LUZP2: variants seen among roughly 807,000 people sequenced by gnomAD.
The protein encoded by LUZP2 is leucine zipper protein 2.
Under a neutral mutation model 51.6 loss-of-function variants are expected in LUZP2, and 52 were observed. The ratio of observed to expected loss-of-function variants is 1.01; its 90% CI spans 0.81 to 1.27. LUZP2 has a LOEUF of 1.27. LUZP2 is among the 50% of genes most tolerant of loss of function. The pLI, the probability that LUZP2 is intolerant of heterozygous loss-of-function variation, is 0.00. For missense variants in LUZP2, 436 were observed against 395.4 expected (o/e 1.10, Z -0.87); for synonymous variants, 154 against 137.3 (o/e 1.12, Z -0.85).
At chr11:24,532,045 A>G (rs1378710960) in intron 1 of LUZP2, among the ~76,000 whole-genome samples, 1 of 150,988 alleles carries the variant, frequency 6.6e-6, no homozygotes, top group African/African-American at 2.4e-5. Flanking sequence ...CTATCAAACA[A>G]TCAGGGCAGG....
chr11:24,572,464 A>T (rs1474119023), intron 1 of LUZP2, among the ~76,000 whole-genome samples: 3 of 152,002 alleles, frequency 2.0e-5, no homozygotes, highest in Non-Finnish European at 4.4e-5. Context: ...CTAATTATGG[A>T]GTTCATTATT....
At chr11:24,903,335 A>T (rs1156749954) in intron 5 of LUZP2, among the ~76,000 whole-genome samples, 2 of 152,210 alleles carry the variant, frequency 1.3e-5, no homozygotes, top group African/African-American at 4.8e-5. Context: ...ATTTGTGTAA[A>T]ACATTTCATG....
chr11:24,652,549 T>C (rs537187665), intron 1 of LUZP2, among the ~76,000 whole-genome samples: 79 of 152,134 alleles, frequency 5.2e-4, no homozygotes, highest in Non-Finnish European at 8.4e-4. Flanking sequence ...ACTATGTATA[T>C]GTCCTCATGC....
At chr11:24,701,876 A>C (rs970165033) in intron 1 of LUZP2, among the ~76,000 whole-genome samples, 1 of 152,212 alleles carries the variant, frequency 6.6e-6, no homozygotes, top group Non-Finnish European at 1.5e-5. Flanking sequence ...CCTGTAATAC[A>C]AAGTATACTA....
chr11:24,629,472 T>TTA (rs1000876788), intron 1 of LUZP2, among the ~76,000 whole-genome samples: 9 of 147,988 alleles, frequency 6.1e-5, no homozygotes, highest in Non-Finnish European at 7.4e-5. Context: ...ACATTATACA[T>TTA]TATATATATA....
intron 5 of LUZP2, among the ~76,000 whole-genome samples, chr11:24,844,230 C>T (rs1263953033): frequency 6.6e-6 from 1 of 152,118 alleles, no homozygotes; most frequent in African/African-American, 2.4e-5. Flanking sequence ...GAGGTGGTCT[C>T]AGATGCAGAA....
At chr11:24,969,384 T>G (rs1647378864) in intron 7 of LUZP2, among the ~76,000 whole-genome samples, 1 of 152,126 alleles carries the variant, frequency 6.6e-6, no homozygotes, top group South Asian at 2.1e-4. Context: ...TAACTGAAAA[T>G]GCAGGGTTCA....
chr11:24,951,601 G>T (rs10834553), intron 7 of LUZP2, among the ~76,000 whole-genome samples: 63,752 of 151,092 alleles, frequency 0.42, 14,359 homozygotes, highest in Non-Finnish European at 0.49. Context: ...TTCACTCGTG[G>T]CTTTAGTCAT....
intron 4 of LUZP2, among the ~76,000 whole-genome samples, chr11:24,752,234 A>G (rs1229527134): frequency 6.6e-6 from 1 of 152,176 alleles, no homozygotes; most frequent in African/African-American, 2.4e-5. Flanking sequence ...AAATTTTCCA[A>G]GGGAAAGAAC....
intron 1 of LUZP2, among the ~76,000 whole-genome samples, chr11:24,702,945 T>A (rs1857460374): frequency 6.6e-6 from 1 of 152,154 alleles, no homozygotes; most frequent in Non-Finnish European, 1.5e-5. Flanking sequence ...GTTAAAAGCA[T>A]GCACATATAT....
intron 5 of LUZP2, among the ~76,000 whole-genome samples, chr11:24,838,981 C>T (rs1471603329): frequency 2.6e-5 from 4 of 151,568 alleles, no homozygotes. Flanking sequence ...TAACTGTTAG[C>T]ATTCACATTC....
rs540585676 is a variant in LUZP2, at chr11:25,050,160, T to C, written c.858+30T>C. On this transcript the variant is annotated intron_variant, in intron 10 of 11. Coordinates refer to ENST00000336930, the MANE Select transcript of LUZP2 (RefSeq NM_001009909.4). ...GAAAAACTTAAGATGCTTTTTACAGTATTAGACAGGAGAAAAAAGCACAAG... is the reference window on the plus strand; with the variant it reads ...GAAAAACTTAAGATGCTTTTTACAGCATTAGACAGGAGAAAAAAGCACAAG... 13 of 1,376,632 alleles carry C rather than the reference T, an allele frequency of 9.4e-6. No individual in the cohort carries two copies. In the South Asian group the frequency reaches 1.6e-4, roughly 17 times the overall value. The allele number at this position is 1,376,632 out of a possible 1,614,324, so 85.3% of individuals were successfully genotyped here.
chr11:24,602,158 GTATATA>G (rs1491089624), intron 1 of LUZP2, among the ~76,000 whole-genome samples: 1 of 122,990 alleles, frequency 8.1e-6, no homozygotes, highest in African/African-American at 3.3e-5. Flanking sequence ...ATGTATATAT[GTATATA>G]TGTGTATATA....
chr11:24,738,140 G>C, intron 3 of LUZP2, 81 bp from the exon 4 acceptor site: 2 of 972,712 alleles, frequency 2.1e-6, no homozygotes, highest in Non-Finnish European at 3.1e-6. Flanking sequence ...ATACAGCAAA[G>C]CTCCTTCCTT....
At chr11:25,060,950 A>G (rs1419703320) in intron 10 of LUZP2, among the ~76,000 whole-genome samples, 1 of 152,058 alleles carries the variant, frequency 6.6e-6, no homozygotes, top group African/African-American at 2.4e-5. Flanking sequence ...AAATATAGTA[A>G]TCTATTTTTT....
chr11:25,016,130 C>T (rs1211125587), intron 9 of LUZP2, among the ~76,000 whole-genome samples: 1 of 151,894 alleles, frequency 6.6e-6, no homozygotes, highest in Non-Finnish European at 1.5e-5. Context: ...TGGTGTTAGC[C>T]AGGATGGTCT....
intron 1 of LUZP2, among the ~76,000 whole-genome samples, chr11:24,602,062 G>GTA (rs1244030763): frequency 1.4e-5 from 2 of 140,566 alleles, no homozygotes; most frequent in Non-Finnish European, 1.5e-5. Context: ...GTATATATGT[G>GTA]TATATATATG....
At chr11:25,008,711 A>AG (rs1284332345) in intron 9 of LUZP2, among the ~76,000 whole-genome samples, 2 of 152,142 alleles carry the variant, frequency 1.3e-5, no homozygotes, top group African/African-American at 4.8e-5. Context: ...GCAGTGTAGA[A>AG]GAAGTTTATT....
chr11:25,044,008 G>GTCTATATATATCTGATATATATAGAC (rs1858171001), intron 9 of LUZP2, among the ~76,000 whole-genome samples: 3 of 3,918 alleles, frequency 7.7e-4, no homozygotes, highest in African/African-American at 1.7e-3. Context: ...CTGATATATA[G>GTCTATATATATCTGATATATATAGAC]TCTATATATA....
Sources: allele counts gnomAD v4.1 joint callset (sites outside exome capture counted in the v4.1 genomes callset), GRCh38; gene constraint gnomAD v4.1.1; transcripts MANE v1.5; gene names NCBI Gene and HGNC (gene_info 2026-07-23, HGNC 2026-07-21).